Variants in TEAD1 observed in about 807,000 individuals in gnomAD.
The protein encoded by TEAD1 is transcriptional enhancer factor TEF-1.
A neutral mutation model predicts 54.9 loss-of-function variants in TEAD1; 9 were observed. The observed-to-expected ratio is 0.16, with a 90% confidence interval of 0.10 to 0.29. TEAD1 has a LOEUF of 0.29. TEAD1 is among the 10% of genes least tolerant of loss of function. The probability of loss-of-function intolerance (pLI) is 1.00; values close to 1 mark genes in which losing one functional copy is unlikely to be tolerated. For synonymous variants in TEAD1, 200 were observed against 187.8 expected (o/e 1.07, Z -0.53); for missense variants, 387 against 535.9 (o/e 0.72, Z 2.74).
chr11:12,944,586 T>G lies in TEAD1; in HGVS notation c.*7364T>G, dbSNP rs943083182. The stretch of plus-strand genomic sequence containing the variant: ...TATTTCATCACTCTAAAAATGCTAT[T>G]TTTGTGTCAGTTCCTGCAGGTGTTT... On this transcript the variant is annotated 3_prime_UTR_variant, in exon 13 of 13. Transcript: ENST00000527636. 6.6e-5 allele frequency: 10 copies of G among 152,634 alleles called. No homozygotes were observed. The highest frequency in any genetic ancestry group is 2.4e-4 in the African/African-American group (10 of 41,454). 9.5% of individuals were successfully genotyped at this position (152,634 alleles called of 1,614,324 possible).
chr11:12,710,657 CTG>C (rs1401931343), intron 2 of TEAD1, among the ~76,000 whole-genome samples: 1 of 152,164 alleles, frequency 6.6e-6, no homozygotes, highest in Non-Finnish European at 1.5e-5. Context: ...TGGGATGACA[CTG>C]TTGTAGGCAC....
intron 3 of TEAD1, among the ~76,000 whole-genome samples, chr11:12,858,706 A>G (rs560634450): frequency 6.6e-6 from 1 of 152,366 alleles, no homozygotes; most frequent in Admixed American, 6.5e-5. Context: ...ATGAGAGTGA[A>G]GATGAGCTTT....
intron 3 of TEAD1, among the ~76,000 whole-genome samples, chr11:12,793,814 T>C (rs1007561837): frequency 2.6e-5 from 4 of 152,220 alleles, no homozygotes; most frequent in African/African-American, 9.6e-5. Context: ...GGGATCTCAC[T>C]GAGTGCTGAC....
intron 2 of TEAD1, among the ~76,000 whole-genome samples, chr11:12,702,391 A>G (rs1424383714): frequency 6.6e-6 from 1 of 152,170 alleles, no homozygotes; most frequent in Non-Finnish European, 1.5e-5. Flanking sequence ...CCCTCTTTAT[A>G]GCTTCATGAC....
intron 2 of TEAD1, among the ~76,000 whole-genome samples, chr11:12,749,663 C>A (rs1259928286): frequency 6.6e-6 from 1 of 152,190 alleles, no homozygotes; most frequent in Non-Finnish European, 1.5e-5. Flanking sequence ...ACTTTCTGTC[C>A]GTACCTCTCT....
rs187309671 is a variant in TEAD1 at position 12,852,566 on chromosome 11, G to A, written c.203-9684G>A. Among the ~76,000 whole-genome samples, 88 of 151,618 alleles carry A rather than the reference G, an allele frequency of 5.8e-4. 1 individual carries two copies. The highest frequency in any genetic ancestry group is 1.9e-3 in the African/African-American group (80 of 41,282). On this transcript the variant is annotated intron_variant, in intron 3 of 12. Coordinates refer to ENST00000527636, the MANE Select transcript of TEAD1 (RefSeq NM_021961.6). ...TGGTTCAAGCAATTCCCTTGCCTCA[G>A]CCTCCCTAGTAGCTGGGATTACAGG...
intron 3 of TEAD1, among the ~76,000 whole-genome samples, chr11:12,798,341 C>G (rs1194260441): frequency 6.6e-6 from 1 of 152,166 alleles, no homozygotes; most frequent in East Asian, 1.9e-4. Flanking sequence ...GAGTACTCAT[C>G]TTTTCTAACA....
chr11:12,834,110 G>A (rs1323482509), intron 3 of TEAD1, among the ~76,000 whole-genome samples: 1 of 152,234 alleles, frequency 6.6e-6, no homozygotes, highest in Admixed American at 6.5e-5. Context: ...TACTTCCAAT[G>A]TGAATAAGTG....
intron 3 of TEAD1, among the ~76,000 whole-genome samples, chr11:12,766,248 C>T (rs1945205068): frequency 6.6e-6 from 1 of 152,312 alleles, no homozygotes; most frequent in Non-Finnish European, 1.5e-5. Context: ...TTTGTCAACT[C>T]CAATTTTGTA....
chr11:12,788,199 C>T (rs957257025), intron 3 of TEAD1, among the ~76,000 whole-genome samples: 7 of 150,330 alleles, frequency 4.7e-5, no homozygotes, highest in Admixed American at 2.0e-4. Flanking sequence ...TGCAGTGGCG[C>T]GACCTTGGCT....
chr11:12,840,245 T>TTAAAAAAAAA (rs1946998999), intron 3 of TEAD1, among the ~76,000 whole-genome samples: 1 of 24,128 alleles, frequency 4.1e-5, no homozygotes, highest in Non-Finnish European at 7.6e-5. Flanking sequence ...AGACTCTGCC[T>TTAAAAAAAAA]CAAAAAAAAA....
intron 5 of TEAD1, among the ~76,000 whole-genome samples, chr11:12,868,386 A>C (rs1391363052): frequency 1.3e-5 from 2 of 152,140 alleles, no homozygotes; most frequent in Non-Finnish European, 2.9e-5. Flanking sequence ...CTTTACAGAG[A>C]GCTCCTGTGT....
intron 9 of TEAD1, among the ~76,000 whole-genome samples, chr11:12,885,726 G>A (rs1381798860): frequency 3.3e-5 from 5 of 152,132 alleles, no homozygotes; most frequent in African/African-American, 4.8e-5. Flanking sequence ...AAATAATGTG[G>A]TAGCTCCCTC....
chr11:12,709,045 A>G (rs1943877474), intron 2 of TEAD1, among the ~76,000 whole-genome samples: 1 of 152,166 alleles, frequency 6.6e-6, no homozygotes, highest in South Asian at 2.1e-4. Flanking sequence ...AGGTAAAACC[A>G]TAGTAATTTG....
At chr11:12,828,187 A>G (rs1436356482) in intron 3 of TEAD1, 1 of 152,170 alleles carries the variant, frequency 6.6e-6, no homozygotes, top group African/African-American at 2.4e-5. Context: ...CTGCTGCAGG[A>G]TGGAGCTCTC....
At chr11:12,837,300 A>AGC (rs140072883) in intron 3 of TEAD1, among the ~76,000 whole-genome samples, 2 of 344 alleles carry the variant, frequency 5.8e-3, no homozygotes, top group East Asian at 0.1. Context: ...AATTTCTGCA[A>AGC]ACAAGAAAAG....
chr11:12,819,731 G>A (rs1489337237), intron 3 of TEAD1, among the ~76,000 whole-genome samples: 1 of 152,128 alleles, frequency 6.6e-6, no homozygotes, highest in Non-Finnish European at 1.5e-5. Flanking sequence ...GATTACAGGC[G>A]TGAACCACCA....
At chr11:12,809,488 T>A (rs753137190) in intron 3 of TEAD1, among the ~76,000 whole-genome samples, 2 of 152,116 alleles carry the variant, frequency 1.3e-5, no homozygotes, top group African/African-American at 2.4e-5. Flanking sequence ...GAAGTAGCAG[T>A]TGGAAGAATG....
chr11:12,711,810 A>C (rs1040112037), intron 2 of TEAD1, among the ~76,000 whole-genome samples: 1 of 152,228 alleles, frequency 6.6e-6, no homozygotes, highest in African/African-American at 2.4e-5. Flanking sequence ...AGCTGTAGCA[A>C]TGAAGCAAGT....
Sources: allele counts gnomAD v4.1 joint callset (sites outside exome capture counted in the v4.1 genomes callset), GRCh38; gene constraint gnomAD v4.1.1; transcripts MANE v1.5; gene names NCBI Gene and HGNC (gene_info 2026-07-23, HGNC 2026-07-21).